LIN7A: variants seen among roughly 807,000 people sequenced by gnomAD.
LIN7A encodes the protein protein lin-7 homolog A.
Under a neutral mutation model 29.8 loss-of-function variants are expected in LIN7A, and 25 were observed. The ratio of observed to expected loss-of-function variants is 0.84; its 90% CI spans 0.61 to 1.17. The LOEUF (loss-of-function observed/expected upper bound fraction) is 1.17. LIN7A is among the 50% of genes most tolerant of loss of function. LIN7A has a pLI of 0.00. For synonymous variants in LIN7A, 118 were observed against 107.5 expected, an observed-to-expected ratio of 1.10 and a Z score of -0.60; for missense variants, 239 against 287.0, an observed-to-expected ratio of 0.83 and a Z score of 1.21.
intron 3 of LIN7A, among the ~76,000 whole-genome samples, chr12:80,847,902 A>G (rs1428901368): frequency 6.6e-6 from 1 of 152,210 alleles, no homozygotes; most frequent in African/African-American, 2.4e-5. Context: ...ACCGGTGCAA[A>G]TAAATCTTCA....
At chr12:80,893,325 C>T (rs1406347933) in intron 1 of LIN7A, among the ~76,000 whole-genome samples, 1 of 152,162 alleles carries the variant, frequency 6.6e-6, no homozygotes, top group African/African-American at 2.4e-5. Flanking sequence ...TCAACCTGAC[C>T]TACTACCACA....
rs766802945 is a variant in LIN7A at position 80,811,571 on chromosome 12, C to T, written c.596G>A (p.Arg199His). ...CCTGGCTGTTCGTAGCTTTTCAAAGCGAGCCTCCATTTCTTCCAGAACTTT... is the reference window on the plus strand; with the variant it reads ...CCTGGCTGTTCGTAGCTTTTCAAAGTGAGCCTCCATTTCTTCCAGAACTTT... ...TPKVLEEMEA[R>H]FEKLRTARRR... Residue 199 changes from arginine to histidine, a missense_variant, in exon 5 of 6, where the codon CGC becomes CAC. Physicochemically the swap from Arg to His is conservative, Grantham distance 29. Coordinates refer to ENST00000552864, the MANE Select transcript of LIN7A (RefSeq NM_004664.4). 5.0e-6 allele frequency: 8 copies of T among 1,613,910 alleles called. No individual in the cohort carries two copies. Among genetic ancestry groups the T allele is most frequent in the East Asian group, 2.2e-5 (1 of 44,872 alleles).
chr12:80,808,558 T>A (rs1490247810), intron 5 of LIN7A, among the ~76,000 whole-genome samples: 3 of 150,536 alleles, frequency 2.0e-5, no homozygotes, highest in Non-Finnish European at 4.4e-5. Flanking sequence ...CAGGCTGGAG[T>A]GCAGTGACGC....
intron 4 of LIN7A, among the ~76,000 whole-genome samples, chr12:80,812,625 C>T (rs1367552879): frequency 6.6e-6 from 1 of 152,044 alleles, no homozygotes; most frequent in African/African-American, 2.4e-5. Context: ...GATCTGGGCT[C>T]ACCACCACCT....
chr12:80,821,248 T>A (rs1264664839), intron 4 of LIN7A, among the ~76,000 whole-genome samples: 4 of 151,994 alleles, frequency 2.6e-5, no homozygotes, highest in Admixed American at 2.0e-4. Flanking sequence ...CAGTGTGACC[T>A]CTCCCCTCTC....
intron 1 of LIN7A, among the ~76,000 whole-genome samples, chr12:80,890,800 T>C (rs924264078): frequency 3.1e-4 from 47 of 152,170 alleles, no homozygotes; most frequent in African/African-American, 1.1e-3. Context: ...TGAGATTTTA[T>C]GCATTTCTAA....
chr12:80,870,234 G>T (rs1490424824), intron 2 of LIN7A, among the ~76,000 whole-genome samples: 1 of 151,936 alleles, frequency 6.6e-6, no homozygotes, highest in East Asian at 1.9e-4. Flanking sequence ...ATAAAAAGCT[G>T]GTCCTTCCTT....
intron 2 of LIN7A, among the ~76,000 whole-genome samples, chr12:80,873,738 G>A (rs184349068): frequency 6.6e-6 from 1 of 152,164 alleles, no homozygotes; most frequent in Non-Finnish European, 1.5e-5. Context: ...TTGAAAAGAG[G>A]AAGACGTATG....
chr12:80,856,470 C>T (rs1873604856), intron 2 of LIN7A, among the ~76,000 whole-genome samples: 1 of 152,178 alleles, frequency 6.6e-6, no homozygotes, highest in African/African-American at 2.4e-5. Context: ...GGAGAGGAAG[C>T]ATTCCTCCTA....
At chr12:80,890,917 A>C (rs1875588369) in intron 1 of LIN7A, among the ~76,000 whole-genome samples, 1 of 152,054 alleles carries the variant, frequency 6.6e-6, no homozygotes. Context: ...ACAGAGACAA[A>C]AATTCTACCT....
intron 5 of LIN7A, among the ~76,000 whole-genome samples, chr12:80,799,876 G>A (rs1382621200): frequency 2.0e-5 from 3 of 152,130 alleles, no homozygotes; most frequent in Non-Finnish European, 4.4e-5. Context: ...ACCAAGCACT[G>A]TGGTGCATGC....
intron 1 of LIN7A, among the ~76,000 whole-genome samples, chr12:80,892,050 T>G (rs559167790): frequency 6.0e-4 from 92 of 152,168 alleles, no homozygotes; most frequent in Non-Finnish European, 8.7e-4. Context: ...TGAAGCAGCT[T>G]CAGTTGCTAT....
intron 2 of LIN7A, among the ~76,000 whole-genome samples, chr12:80,876,335 G>A (rs1195103413): frequency 6.6e-6 from 1 of 152,164 alleles, no homozygotes; most frequent in Admixed American, 6.5e-5. Flanking sequence ...GAAAACTTCA[G>A]TACGCAATAA....
At chr12:80,917,043 G>T (rs1301124578) in intron 1 of LIN7A, among the ~76,000 whole-genome samples, 3 of 152,146 alleles carry the variant, frequency 2.0e-5, no homozygotes, top group African/African-American at 7.2e-5. Context: ...ACAGAATAAA[G>T]AATGATGGGA....
chr12:80,840,845 A>T (rs1872774054), intron 4 of LIN7A, among the ~76,000 whole-genome samples: 1 of 152,168 alleles, frequency 6.6e-6, no homozygotes, highest in African/African-American at 2.4e-5. Context: ...TGTACATGGT[A>T]CTCATATTTT....
intron 1 of LIN7A, among the ~76,000 whole-genome samples, chr12:80,891,912 G>A (rs1178637544): frequency 6.6e-6 from 1 of 152,148 alleles, no homozygotes; most frequent in Non-Finnish European, 1.5e-5. Flanking sequence ...AAAACAGGGT[G>A]AGAGTAGCAA....
intron 4 of LIN7A, among the ~76,000 whole-genome samples, chr12:80,830,268 T>C (rs1261386157): frequency 2.6e-5 from 4 of 152,220 alleles, no homozygotes; most frequent in Non-Finnish European, 1.5e-5. Flanking sequence ...AGGAACTGTG[T>C]TATGCCATTT....
intron 4 of LIN7A, among the ~76,000 whole-genome samples, chr12:80,844,456 C>A (rs552298974): frequency 2.0e-5 from 3 of 152,108 alleles, no homozygotes; most frequent in Admixed American, 2.0e-4. Flanking sequence ...AGAAGAATTT[C>A]ATTCTACAGT....
Position 80,896,042 on chromosome 12 carries a change from C to T in LIN7A, c.83-6673G>A, listed in dbSNP as rs529685397. Among the ~76,000 whole-genome samples the T allele has an allele frequency of 5.3e-5, 8 of 152,224 alleles. No individual in the cohort carries two copies. In the East Asian group the frequency reaches 5.8e-4, roughly 11 times the overall value. On this transcript the variant is annotated intron_variant, in intron 1 of 5. Coordinates refer to ENST00000552864, the MANE Select transcript of LIN7A (RefSeq NM_004664.4). The stretch of plus-strand genomic sequence containing the variant: ...CTTTAAAGGTGCTTTTCTAGGTTTC[C>T]GGGATAATATTGATGCTATAGAGAC...
Sources: allele counts gnomAD v4.1 joint callset (sites outside exome capture counted in the v4.1 genomes callset), GRCh38; gene constraint gnomAD v4.1.1; transcripts MANE v1.5; gene names NCBI Gene and HGNC (gene_info 2026-07-23, HGNC 2026-07-21).